RCAN2: variants seen among roughly 807,000 people sequenced by gnomAD.
The protein encoded by RCAN2 is calcipressin-2.
Under a neutral mutation model 23.6 loss-of-function variants are expected in RCAN2, and 9 were observed. The observed-to-expected ratio is 0.38, with a 90% CI of 0.23 to 0.67. The LOEUF (loss-of-function observed/expected upper bound fraction) is 0.67, where lower values mean the gene tolerates loss of function less well. RCAN2 is among the 30% of genes least tolerant of loss of function. The pLI, the probability that RCAN2 is intolerant of heterozygous loss-of-function variation, is 0.51. For synonymous variants in RCAN2, 109 were observed against 115.7 expected, an observed-to-expected ratio of 0.94 and a Z score of 0.37; for missense variants, 273 against 302.3, an observed-to-expected ratio of 0.90 and a Z score of 0.72.
chr6:46,414,580 A>C (rs1469010428), intron 2 of RCAN2, among the ~76,000 whole-genome samples: 1 of 152,210 alleles, frequency 6.6e-6, no homozygotes, highest in Non-Finnish European at 1.5e-5. Flanking sequence ...TGAGTGAAGC[A>C]TATTACCCTC....
At chr6:46,243,685 C>G (rs1267657488) in intron 4 of RCAN2, among the ~76,000 whole-genome samples, 2 of 151,814 alleles carry the variant, frequency 1.3e-5, no homozygotes, top group Non-Finnish European at 2.9e-5. Flanking sequence ...TGGCATGCGC[C>G]TGTAGTCCCA....
chr6:46,464,374 T>G (rs1768311631), intron 1 of RCAN2, among the ~76,000 whole-genome samples: 1 of 152,110 alleles, frequency 6.6e-6, no homozygotes, highest in African/African-American at 2.4e-5. Context: ...AATAATAAAT[T>G]TACAATTAAA....
At chr6:46,295,541 A>G (rs1026314303) in intron 2 of RCAN2, among the ~76,000 whole-genome samples, 1 of 152,142 alleles carries the variant, frequency 6.6e-6, no homozygotes. Flanking sequence ...AAAGTTGAAG[A>G]GGGGCCAGAG....
intron 2 of RCAN2, among the ~76,000 whole-genome samples, chr6:46,396,332 A>G (rs1472009944): frequency 6.6e-6 from 1 of 152,208 alleles, no homozygotes; most frequent in East Asian, 1.9e-4. Context: ...AATGGTGCTC[A>G]GAACTATGAA....
chr6:46,414,663 G>A (rs968947662), intron 2 of RCAN2, among the ~76,000 whole-genome samples: 5 of 152,192 alleles, frequency 3.3e-5, no homozygotes, highest in African/African-American at 9.7e-5. Flanking sequence ...TGGAGAAAGA[G>A]GGAATTCTGC....
intron 2 of RCAN2, among the ~76,000 whole-genome samples, chr6:46,345,299 C>T (rs1353828349): frequency 1.3e-5 from 2 of 152,002 alleles, no homozygotes; most frequent in African/African-American, 4.8e-5. Flanking sequence ...TCTACAATCA[C>T]TGTTGGATAT....
intron 2 of RCAN2, among the ~76,000 whole-genome samples, chr6:46,388,811 G>C (rs1765845300): frequency 6.6e-6 from 1 of 152,168 alleles, no homozygotes; most frequent in African/African-American, 2.4e-5. Flanking sequence ...GGAGCCGGCA[G>C]AGTGGGGAGA....
In RCAN2 at chr6:46,242,693, G is replaced by A. The variant is rs554731410; in HGVS notation, c.571+4055C>T. Reference sequence around the variant, plus strand: ...TGTTACTGAAATGATTCTGCCAAAGGATTAAAACTAAATTTTACTAAATCA... The same window carrying A: ...TGTTACTGAAATGATTCTGCCAAAGAATTAAAACTAAATTTTACTAAATCA... On this transcript the variant is annotated intron_variant, in intron 4 of 4. Transcript: ENST00000371374. 7.9e-4 allele frequency among the ~76,000 whole-genome samples: 120 copies of A among 152,214 alleles called. 1 individual carries two copies. Among genetic ancestry groups the A allele is most frequent in the African/African-American group, 2.6e-3 (110 of 41,526 alleles).
intron 2 of RCAN2, among the ~76,000 whole-genome samples, chr6:46,372,810 C>G (rs1237560851): frequency 6.6e-6 from 1 of 152,210 alleles, no homozygotes; most frequent in Non-Finnish European, 1.5e-5. Flanking sequence ...TCCCATTTAA[C>G]TATCAGAAGT....
chr6:46,351,300 T>C (rs947747759), intron 2 of RCAN2, among the ~76,000 whole-genome samples: 8 of 152,202 alleles, frequency 5.3e-5, no homozygotes, highest in Non-Finnish European at 2.9e-5. Flanking sequence ...TGTTCCCTTT[T>C]AGGCAATTCT....
At chr6:46,368,437 C>T (rs1765235134) in intron 2 of RCAN2, among the ~76,000 whole-genome samples, 1 of 152,138 alleles carries the variant, frequency 6.6e-6, no homozygotes, top group South Asian at 2.1e-4. Context: ...AGCATACAGT[C>T]ATGCATTGCT....
Position 46,341,335 on chromosome 6 carries a change from TGAA to T in RCAN2, c.226-92442_226-92440del, listed in dbSNP as rs796743317. ...TCTTTTGGCTTCCCTGGGCCACATT[TGAA>T]GAAGAAGAATTGTCTTGGGCCACAC... is the stretch of plus-strand genomic sequence containing the variant. On this transcript the variant is annotated intron_variant, in intron 2 of 4. Coordinates refer to ENST00000371374, the MANE Select transcript of RCAN2 (RefSeq NM_001251974.2). 8.5e-4 allele frequency among the ~76,000 whole-genome samples: 130 copies of T among 152,182 alleles called. 2 individuals are homozygous for T. Among genetic ancestry groups the T allele is most frequent in the African/African-American group, 2.9e-3 (119 of 41,522 alleles).
chr6:46,258,982 C>G (rs918538940), intron 2 of RCAN2, among the ~76,000 whole-genome samples: 1 of 152,176 alleles, frequency 6.6e-6, no homozygotes, highest in East Asian at 1.9e-4. Flanking sequence ...GATTTCACAC[C>G]TTGGGGAGCC....
At chr6:46,453,719 T>C (rs545795848) in intron 2 of RCAN2, among the ~76,000 whole-genome samples, 1 of 152,338 alleles carries the variant, frequency 6.6e-6, no homozygotes, top group African/African-American at 2.4e-5. Flanking sequence ...GAGAAGAGAA[T>C]GCTGCAAGAC....
intron 2 of RCAN2, among the ~76,000 whole-genome samples, chr6:46,433,868 T>C (rs961026689): frequency 6.6e-6 from 1 of 152,236 alleles, no homozygotes; most frequent in African/African-American, 2.4e-5. Flanking sequence ...TATAGTTTGT[T>C]CATTTCCATG....
chr6:46,353,992 C>T (rs767792051), intron 2 of RCAN2, among the ~76,000 whole-genome samples: 4 of 152,206 alleles, frequency 2.6e-5, no homozygotes, highest in African/African-American at 4.8e-5. Flanking sequence ...TTTACTTTCT[C>T]GGGTATGGCA....
intron 2 of RCAN2, among the ~76,000 whole-genome samples, chr6:46,284,746 CT>C (rs1463771750): frequency 1.3e-5 from 2 of 152,212 alleles, no homozygotes; most frequent in African/African-American, 4.8e-5. Flanking sequence ...GGGCCAGCTA[CT>C]CCTGCCTACT....
At position 46,358,687 on chromosome 6, in the gene RCAN2, G is replaced by A. The variant is rs888497706; in HGVS notation, c.225+98065C>T. Among the ~76,000 whole-genome samples, 20 of 152,308 alleles carry A rather than the reference G, an allele frequency of 1.3e-4. No individual in the cohort carries two copies. The East Asian group carries it at 3.7e-3, about 28-fold the overall frequency. ...ATTTAGTTTCAATTGGTCTGAGATA[G>A]GAGAGGTAGGTATTGTTAGAGTTTG... On this transcript the variant is annotated intron_variant, in intron 2 of 4. Coordinates refer to ENST00000371374, the MANE Select transcript of RCAN2 (RefSeq NM_001251974.2).
intron 2 of RCAN2, among the ~76,000 whole-genome samples, chr6:46,313,759 C>G (rs965743095): frequency 1.3e-5 from 2 of 152,182 alleles, no homozygotes; most frequent in African/African-American, 4.8e-5. Context: ...TCATATACTT[C>G]CTGACTACAT....
Sources: gnomAD v4.1 joint callset for allele counts (sites outside exome capture counted in the v4.1 genomes callset) on GRCh38, gnomAD v4.1.1 for gene constraint, MANE v1.5 for transcripts, NCBI Gene and HGNC (gene_info 2026-07-23, HGNC 2026-07-21) for gene names.